SLCO5A1: variants seen among roughly 807,000 people sequenced by gnomAD.
SLCO5A1 encodes solute carrier organic anion transporter family member 5A1, also known as organic anion transporter polypeptide-related protein 4.
In SLCO5A1, 39 loss-of-function variants were observed where a neutral mutation model predicts 65.1. The observed-to-expected ratio is 0.60, with a 90% CI of 0.46 to 0.78. The LOEUF (loss-of-function observed/expected upper bound fraction) is 0.78, where lower values mean the gene tolerates loss of function less well. Among genes scored for constraint, SLCO5A1 ranks in the 30% least tolerant of loss-of-function variants. The pLI, the probability that SLCO5A1 is intolerant of heterozygous loss-of-function variation, is 0.00. For synonymous variants in SLCO5A1, 438 were observed against 415.7 expected (o/e 1.05, Z -0.65); for missense variants, 1,029 against 1,069.4 (o/e 0.96, Z 0.53).
intron 2 of SLCO5A1, among the ~76,000 whole-genome samples, chr8:69,802,420 C>G (rs1228513647): frequency 6.6e-6 from 1 of 151,460 alleles, no homozygotes; most frequent in African/African-American, 2.4e-5. Flanking sequence ...GTGGGAGGAT[C>G]GCTTGAACCC....
At chr8:69,677,999 G>A (rs777858307) in intron 8 of SLCO5A1, among the ~76,000 whole-genome samples, 3 of 151,948 alleles carry the variant, frequency 2.0e-5, no homozygotes, top group Non-Finnish European at 2.9e-5. Context: ...GCTTCACCAC[G>A]CTGCCCAGTT....
rs200219200 is a variant in SLCO5A1, at chr8:69,784,895, GAAGAAAGAAAGAAAGAAAGAAAGAAAGA to G, written c.908-23048_908-23021del. On this transcript the variant is annotated intron_variant, in intron 2 of 9. Coordinates refer to ENST00000260126, the MANE Select transcript of SLCO5A1 (RefSeq NM_030958.3). ...AAGGAGAAAGAAAGAAAGAAGAAAG[GAAGAAAGAAAGAAAGAAAGAAAGAAAGA>G]AAGAAAGAAAGAAAGAAAGAAAGAA... 6.5e-3 allele frequency among the ~76,000 whole-genome samples: 548 copies of G among 84,940 alleles called. 9 individuals carry two copies. The highest frequency in any genetic ancestry group is 0.028 in the African/African-American group (517 of 18,656). The allele number at this position is 84,940 out of a possible 152,430, so 55.7% of individuals were successfully genotyped here. A position where few individuals can be genotyped will look rare whatever the true frequency, so the allele number is the denominator to read the frequency against.
At chr8:69,773,483 T>C (rs1563716098) in intron 2 of SLCO5A1, among the ~76,000 whole-genome samples, 1 of 152,190 alleles carries the variant, frequency 6.6e-6, no homozygotes. Flanking sequence ...TGGGATTCAG[T>C]TGAGAGTCCA....
At chr8:69,714,117 C>T (rs1815401740) in intron 5 of SLCO5A1, among the ~76,000 whole-genome samples, 1 of 152,234 alleles carries the variant, frequency 6.6e-6, no homozygotes, top group Admixed American at 6.5e-5. Context: ...ATATCTCTTT[C>T]TCTTTCATAT....
chr8:69,760,736 T>C (rs1417908500), intron 3 of SLCO5A1, among the ~76,000 whole-genome samples: 6 of 152,200 alleles, frequency 3.9e-5, no homozygotes, highest in South Asian at 2.1e-4. Flanking sequence ...AAATAACTTA[T>C]CATGTTCAAG....
rs550691384 is a variant in SLCO5A1, at chr8:69,753,083, G to A, written c.1258+2341C>T. Among the ~76,000 whole-genome samples the A allele has an allele frequency of 2.4e-4, 36 of 152,234 alleles. No individual in the cohort carries two copies. In the South Asian group the frequency reaches 4.4e-3, roughly 18 times the overall value. On this transcript the variant is annotated intron_variant, in intron 4 of 9. Transcript: ENST00000260126. ...TTTTGAATTCTCAATGGCCCTGATC[G>A]CTTTTGAACTTGCATATCTAAGTAT...
At chr8:69,692,936 C>T (rs1814336624) in intron 6 of SLCO5A1, among the ~76,000 whole-genome samples, 1 of 152,152 alleles carries the variant, frequency 6.6e-6, no homozygotes, top group South Asian at 2.1e-4. Context: ...AAACCAATAA[C>T]ACAGGTGCTT....
intron 2 of SLCO5A1, among the ~76,000 whole-genome samples, chr8:69,764,894 A>T (rs1250376715): frequency 6.6e-6 from 1 of 152,226 alleles, no homozygotes; most frequent in African/African-American, 2.4e-5. Context: ...TGCCAGGTGC[A>T]CCTGACTGCA....
At chr8:69,744,208 A>G (rs1816925587) in intron 4 of SLCO5A1, among the ~76,000 whole-genome samples, 1 of 152,174 alleles carries the variant, frequency 6.6e-6, no homozygotes, top group Non-Finnish European at 1.5e-5. Context: ...ATGTATGCCA[A>G]CAAAGGGATT....
In SLCO5A1 at chr8:69,705,119, C is replaced by T; in HGVS notation, c.1534G>A (p.Gly512Ser). Residue 512 changes from glycine (G) to serine (S), a missense_variant, in exon 6 of 10, where the codon GGT becomes AGT. By Grantham distance (56) the Gly-to-Ser change is moderately conservative. Transcript: ENST00000260126. The stretch of plus-strand genomic sequence containing the variant: ...GTTGAAAAACATAGTAAAGACACAC[C>T]ACTGCAGATCATTGCTAGTTTTGCA... ...ESAKLAMICS[G>S]VSLLCFSTLF... 1 of 1,614,158 alleles carries T rather than the reference C, an allele frequency of 6.2e-7. No homozygotes were observed. The highest frequency in any genetic ancestry group is 8.5e-7 in the Non-Finnish European group (1 of 1,180,022).
chr8:69,827,154 G>T (rs1274403768), intron 2 of SLCO5A1, among the ~76,000 whole-genome samples: 1 of 116,430 alleles, frequency 8.6e-6, no homozygotes, highest in East Asian at 3.0e-4. Flanking sequence ...TTGTGGGGTG[G>T]GGGGAGGGGG....
At chr8:69,733,017 A>G (rs13267759) in intron 5 of SLCO5A1, among the ~76,000 whole-genome samples, 3,955 of 152,190 alleles carry the variant, frequency 0.026, 77 homozygotes, top group African/African-American at 0.051. Flanking sequence ...TTTCTCATCT[A>G]GAAAACTGGC....
intron 2 of SLCO5A1, among the ~76,000 whole-genome samples, chr8:69,776,812 C>T (rs571146566): frequency 6.6e-6 from 1 of 152,306 alleles, no homozygotes; most frequent in East Asian, 1.9e-4. Flanking sequence ...GAAAGATATT[C>T]GGCATCATTA....
chr8:69,807,532 C>T (rs114450947), intron 2 of SLCO5A1, among the ~76,000 whole-genome samples: 2,583 of 152,298 alleles, frequency 0.017, 55 homozygotes, highest in African/African-American at 0.059. Flanking sequence ...TCCCGCACAG[C>T]CTCTGAAACC....
Position 69,667,577 on chromosome 8 carries a change from C to T in SLCO5A1, c.*5292G>A, listed in dbSNP as rs1328720136. ...ACAAACTTTAAACCTCTTTTGTTCA[C>T]CCCTTTGGTTTAATGTGTCCCTGCA... is the stretch of plus-strand genomic sequence containing the variant. On this transcript the variant is annotated 3_prime_UTR_variant, in exon 10 of 10. Transcript: ENST00000260126. The T allele has an allele frequency of 6.6e-6, 1 of 152,120 alleles. No homozygotes were observed. Among genetic ancestry groups the T allele is most frequent in the African/African-American group, 2.4e-5 (1 of 41,428 alleles). 9.4% of individuals were successfully genotyped at this position (152,120 alleles called of 1,614,324 possible). A position where few individuals can be genotyped will look rare whatever the true frequency, so the allele number is the denominator to read the frequency against.
chr8:69,757,214 T>G (rs995604749), intron 3 of SLCO5A1, among the ~76,000 whole-genome samples: 1 of 152,214 alleles, frequency 6.6e-6, no homozygotes, highest in African/African-American at 2.4e-5. Flanking sequence ...AGATAGTCAG[T>G]AAAGGGCTTT....
intron 4 of SLCO5A1, among the ~76,000 whole-genome samples, chr8:69,751,487 A>G (rs536438047): frequency 2.0e-5 from 3 of 152,080 alleles, no homozygotes; most frequent in East Asian, 3.9e-4. Flanking sequence ...ATTTTCTTCT[A>G]TCATTCTCTA....
chr8:69,765,341 G>A (rs1024561560), intron 2 of SLCO5A1, among the ~76,000 whole-genome samples: 2 of 151,058 alleles, frequency 1.3e-5, no homozygotes, highest in African/African-American at 4.9e-5. Flanking sequence ...GTATATTACA[G>A]TTATATAAGA....
chr8:69,710,463 C>T (rs189227742), intron 5 of SLCO5A1, among the ~76,000 whole-genome samples: 8 of 152,196 alleles, frequency 5.3e-5, no homozygotes, highest in Admixed American at 5.2e-4. Flanking sequence ...TCACAGCGAC[C>T]TCTTACACCC....
Sources: allele counts gnomAD v4.1 joint callset (sites outside exome capture counted in the v4.1 genomes callset), GRCh38; gene constraint gnomAD v4.1.1; transcripts MANE v1.5; gene names NCBI Gene and HGNC (gene_info 2026-07-23, HGNC 2026-07-21).